Variants in SLC35E1 observed in about 807,000 individuals in gnomAD.
SLC35E1 encodes solute carrier family 35, member E1.
In SLC35E1, 12 loss-of-function variants were observed where a neutral mutation model predicts 31.0. The ratio of observed to expected loss-of-function variants is 0.39; its 90% CI spans 0.25 to 0.63. SLC35E1 has a LOEUF of 0.63. SLC35E1 is among the 20% of genes least tolerant of loss of function. The pLI is 0.52. For synonymous variants in SLC35E1, 257 were observed against 264.1 expected (o/e 0.97, Z 0.26); for missense variants, 429 against 572.2 (o/e 0.75, Z 2.55).
rs929461125 is a variant in SLC35E1, at chr19:16,552,881, C to G, written c.*798G>C. 3 of 152,180 alleles carry G rather than the reference C, an allele frequency of 2.0e-5. No homozygotes were observed. The highest frequency in any genetic ancestry group is 6.6e-5 in the Admixed American group (1 of 15,264). The allele number at this position is 152,180 out of a possible 1,614,324, so 9.4% of individuals were successfully genotyped here. On this transcript the variant is annotated 3_prime_UTR_variant, in exon 6 of 6. Transcript: ENST00000595753. ...GAAATAGAGCTTGAAATACTGAACA[C>G]GATTTCTCGAAGATCCTTCTCACCA...
chr19:16,554,820 G>GAAAAAAAA (rs59402960), intron 5 of SLC35E1, among the ~76,000 whole-genome samples: 2 of 60,210 alleles, frequency 3.3e-5, no homozygotes, highest in Non-Finnish European at 6.5e-5. Context: ...ACTCCATCTC[G>GAAAAAAAA]AAAAAAAAAA....
rs1348336981 is a variant in SLC35E1, at chr19:16,571,676, C to G, written c.422-94G>C. 6.0e-6 allele frequency: 8 copies of G among 1,340,218 alleles called. No homozygotes were observed. In the African/African-American group the frequency reaches 1.2e-4, roughly 19 times the overall value. The allele number at this position is 1,340,218 out of a possible 1,614,324, so 83.0% of individuals were successfully genotyped here. A position where few individuals can be genotyped will look rare whatever the true frequency, so the allele number is the denominator to read the frequency against. ...GGCGGGATGGGAGGGCCTGGCAGCC[C>G]CTCACACCTCTTCGCCCCTTCTCTT... On this transcript the variant is annotated intron_variant, in intron 1 of 5. Coordinates refer to ENST00000595753, the MANE Select transcript of SLC35E1 (RefSeq NM_024881.5).
intron 4 of SLC35E1, among the ~76,000 whole-genome samples, chr19:16,563,993 A>C (rs2085919760): frequency 6.6e-6 from 1 of 152,226 alleles, no homozygotes; most frequent in Admixed American, 6.5e-5. Context: ...GGACTGTTCA[A>C]CTGAAAGTGA....
At chr19:16,569,282 C>T (rs2085946388) in intron 2 of SLC35E1, among the ~76,000 whole-genome samples, 1 of 152,134 alleles carries the variant, frequency 6.6e-6, no homozygotes, top group Admixed American at 6.5e-5. Context: ...CTTGGCCTCC[C>T]AAAGTGCTGG....
chr19:16,554,267 G>GAAA (rs778901992), intron 5 of SLC35E1, among the ~76,000 whole-genome samples: 6 of 51,658 alleles, frequency 1.2e-4, no homozygotes, highest in Admixed American at 2.4e-4. Context: ...CGCTGTCTCA[G>GAAA]AAAAAAAAAA....
chr19:16,554,820 GA>G (rs59402960), intron 5 of SLC35E1, among the ~76,000 whole-genome samples: 159 of 60,206 alleles, frequency 2.6e-3, no homozygotes, highest in East Asian at 7.2e-3. Context: ...ACTCCATCTC[GA>G]AAAAAAAAAA....
intron 4 of SLC35E1, chr19:16,556,774 A>G: frequency 2.2e-6 from 1 of 447,642 alleles, no homozygotes; most frequent in Admixed American, 2.4e-5. Context: ...GCCCTGCTGG[A>G]GCTGCAGGAT....
At position 16,555,358 on chromosome 19, in the gene SLC35E1, C is replaced by T. The variant is rs756830191; in HGVS notation, c.796G>A (p.Ala266Thr). ...YQWPWTLLLLAVSGFCNFAQN... is the reference protein window; with the variant it reads ...YQWPWTLLLLTVSGFCNFAQN... Reference sequence around the variant, plus strand: ...GCAAAGTTACAGAAGCCGCTGACAGCCAGGAGCAGGAGCGTCCAGGGCCAC... The same window carrying T: ...GCAAAGTTACAGAAGCCGCTGACAGTCAGGAGCAGGAGCGTCCAGGGCCAC... The change falls in exon 5 of 6, where the codon GCT (alanine) becomes ACT (threonine). Residue 266 changes from alanine to threonine, a missense_variant. Transcript: ENST00000595753. The surrounding 1 kb of genome is among the most constrained non-coding windows in gnomAD (Gnocchi z 4.1). The T allele has an allele frequency of 1.4e-5, 23 of 1,613,940 alleles. No homozygotes were observed. The highest frequency in any genetic ancestry group is 1.7e-4 in the Middle Eastern group (1 of 6,008).
chr19:16,568,867 T>C (rs1212492155), intron 2 of SLC35E1, among the ~76,000 whole-genome samples: 5 of 151,922 alleles, frequency 3.3e-5, no homozygotes, highest in Non-Finnish European at 5.9e-5. Flanking sequence ...TCCAGTATGG[T>C]TACTCCTGGC....
chr19:16,557,268 A>G, intron 4 of SLC35E1: 1 of 234,548 alleles, frequency 4.3e-6, no homozygotes, highest in South Asian at 5.0e-5. Flanking sequence ...ATCTCTGCTC[A>G]CTGCAAGCTC....
intron 4 of SLC35E1, among the ~76,000 whole-genome samples, chr19:16,558,041 TTTTG>T (rs1183789441): frequency 6.6e-6 from 1 of 151,622 alleles, no homozygotes; most frequent in Non-Finnish European, 1.5e-5. Flanking sequence ...GAAGTTTTTT[TTTTG>T]TTTTTGTTTT....
At chr19:16,571,712 T>C (rs2085959641) in intron 1 of SLC35E1, 130 bp from the exon 2 acceptor site, 1 of 1,037,476 alleles carries the variant, frequency 9.6e-7, no homozygotes, top group Non-Finnish European at 1.4e-6. Context: ...TCGGTAGGGC[T>C]TCCTCCTGCC....
intron 4 of SLC35E1, among the ~76,000 whole-genome samples, chr19:16,556,334 CCT>C (rs941353060): frequency 2.0e-5 from 3 of 151,594 alleles, no homozygotes; most frequent in Non-Finnish European, 2.9e-5. Flanking sequence ...ACAGTGAGAC[CCT>C]GTCTCTACAA....
intron 5 of SLC35E1, among the ~76,000 whole-genome samples, chr19:16,554,819 CG>C (rs1599761948): frequency 1.0e-5 from 1 of 98,940 alleles, no homozygotes; most frequent in South Asian, 3.3e-4. Context: ...GACTCCATCT[CG>C]AAAAAAAAAA....
At position 16,571,159 on chromosome 19, in the gene SLC35E1, C is replaced by T. The variant is rs143456377; in HGVS notation, c.492+353G>A. Among the ~76,000 whole-genome samples the T allele has an allele frequency of 6.2e-4, 95 of 152,056 alleles. 2 individuals carry two copies. In the East Asian group the frequency reaches 0.015, roughly 25 times the overall value. Reference sequence around the variant, plus strand: ...GTTCTGATCCATCCATCCCTAGTCCCACTGGAAAGGCCACACATGGGGTGT... The same window carrying T: ...GTTCTGATCCATCCATCCCTAGTCCTACTGGAAAGGCCACACATGGGGTGT... On this transcript the variant is annotated intron_variant, in intron 2 of 5. Transcript: ENST00000595753.
intron 4 of SLC35E1, among the ~76,000 whole-genome samples, chr19:16,560,861 CA>C: frequency 2.9e-5 from 1 of 34,134 alleles, no homozygotes; most frequent in African/African-American, 1.1e-4. Context: ...GACTCCATCT[CA>C]AAAACAAAAA....
At chr19:16,562,140 A>G (rs545818686) in intron 4 of SLC35E1, among the ~76,000 whole-genome samples, 2 of 152,364 alleles carry the variant, frequency 1.3e-5, no homozygotes, top group Non-Finnish European at 2.9e-5. Flanking sequence ...TAGAACAACA[A>G]TAACAACACA....
At chr19:16,564,916 T>C (rs1383191060) in intron 4 of SLC35E1, 2 of 318,390 alleles carry the variant, frequency 6.3e-6, no homozygotes, top group South Asian at 2.4e-5. Context: ...AAGTGAGCCA[T>C]GGTTTACTGA....
At chr19:16,565,718 A>G (rs1310115112) in intron 4 of SLC35E1, 3 of 148,454 alleles carry the variant, frequency 2.0e-5, no homozygotes, top group Non-Finnish European at 4.4e-5. Flanking sequence ...GGGTGTCACC[A>G]TATTGGCCAG....
Sources: allele counts gnomAD v4.1 joint callset (sites outside exome capture counted in the v4.1 genomes callset), GRCh38; gene constraint gnomAD v4.1.1; non-coding constraint Gnocchi (gnomAD v3.1); transcripts MANE v1.5; gene names NCBI Gene and HGNC (gene_info 2026-07-23, HGNC 2026-07-21).